SPTBN4: variants seen among roughly 807,000 people sequenced by gnomAD.
SPTBN4 encodes the protein spectrin beta, non-erythrocytic 4.
In SPTBN4, 96 loss-of-function variants were observed where a neutral mutation model predicts 277.8. That is an observed-to-expected ratio of 0.35 (90% CI 0.29 to 0.41). The LOEUF is 0.41. SPTBN4 is among the 10% of genes least tolerant of loss of function. The probability of loss-of-function intolerance (pLI) is 1.00; values close to 1 mark genes in which losing one functional copy is unlikely to be tolerated. For synonymous variants in SPTBN4, 1,481 were observed against 1,580.3 expected, an observed-to-expected ratio of 0.94 and a Z score of 1.49; for missense variants, 3,006 against 3,595.7, an observed-to-expected ratio of 0.84 and a Z score of 4.19.
At chr19:40,537,676 TCA>T (rs894481490) in intron 20 of SPTBN4, among the ~76,000 whole-genome samples, 5 of 152,124 alleles carry the variant, frequency 3.3e-5, no homozygotes, top group African/African-American at 1.2e-4. Flanking sequence ...GATCTGTGGC[TCA>T]CAGAGGTCAC....
At chr19:40,488,783 C>T (rs1168267246) in intron 3 of SPTBN4, among the ~76,000 whole-genome samples, 2 of 152,092 alleles carry the variant, frequency 1.3e-5, no homozygotes, top group African/African-American at 4.8e-5. Context: ...GCTCTGCAGC[C>T]TGGGCGACAA....
Position 40,557,227 on chromosome 19 carries a change from G to A in SPTBN4, c.5494G>A (p.Ala1832Thr), listed in dbSNP as rs764760284. 1.2e-5 allele frequency: 20 copies of A among 1,611,108 alleles called. No individual in the cohort carries two copies. Among genetic ancestry groups the A allele is most frequent in the East Asian group, 1.1e-4 (5 of 44,804 alleles). ...LMGTRAQLLA[A>T]SRELHKFFSD... ...GGGCACACGGGCCCAGCTGCTGGCC[G>A]CCTCTCGGGAGCTTCATAAGTTCTT... The change falls in exon 26 of 36, where the codon GCC (alanine) becomes ACC (threonine). Residue 1832 changes from alanine (A) to threonine (T), a missense_variant. Physicochemically the swap from Ala to Thr is moderately conservative, Grantham distance 58. This residue lies in a region of SPTBN4 where 425 missense variants were observed against 594.7 expected (regional missense o/e 0.71). Transcript: ENST00000598249.
intron 5 of SPTBN4, among the ~76,000 whole-genome samples, chr19:40,494,266 A>G (rs776785212): frequency 3.4e-4 from 52 of 151,850 alleles, no homozygotes; most frequent in Non-Finnish European, 5.9e-4. Context: ...GTCTATCTCT[A>G]TATCTGCTTT....
At chr19:40,552,455 C>CAAA (rs33935362) in intron 22 of SPTBN4, among the ~76,000 whole-genome samples, 4 of 75,920 alleles carry the variant, frequency 5.3e-5, no homozygotes, top group Non-Finnish European at 7.4e-5. Flanking sequence ...GACTCCGTCT[C>CAAA]AAAAAAAAAA....
In SPTBN4 at chr19:40,499,563, AT is replaced by A. The variant is rs1026469535; in HGVS notation, c.784+1972del. 6.3e-3 allele frequency among the ~76,000 whole-genome samples: 879 copies of A among 140,070 alleles called. 6 individuals carry two copies. Among genetic ancestry groups the A allele is most frequent in the African/African-American group, 0.016 (625 of 38,416 alleles). The allele number at this position is 140,070 out of a possible 152,430, so 91.9% of individuals were successfully genotyped here. ...CACGACCATGCTCAGCTAATTTTTG[AT>A]TTTTTTTTTTTTGGTAGAGGTGGGG... On this transcript the variant is annotated intron_variant, in intron 7 of 35. Transcript: ENST00000598249.
intron 7 of SPTBN4, among the ~76,000 whole-genome samples, chr19:40,498,124 C>T (rs1038255145): frequency 1.3e-5 from 2 of 152,028 alleles, no homozygotes; most frequent in Non-Finnish European, 2.9e-5. Context: ...TCTATCTCTC[C>T]CACAACTCCA....
intron 16 of SPTBN4, among the ~76,000 whole-genome samples, chr19:40,521,447 C>T (rs144370972): frequency 4.6e-5 from 7 of 152,278 alleles, no homozygotes; most frequent in South Asian, 2.1e-4. Context: ...TGCAACTAGA[C>T]GTTCCCATCT....
At chr19:40,494,822 C>G in intron 5 of SPTBN4, 75 bp from the exon 6 acceptor site, 1 of 1,311,262 alleles carries the variant, frequency 7.6e-7, no homozygotes, top group South Asian at 1.3e-5. Context: ...CATTCGGTCT[C>G]CCTCTGTCTT....
At chr19:40,569,936 C>CCACACACACACACACACACACA (rs60074818) in intron 32 of SPTBN4, among the ~76,000 whole-genome samples, 13 of 131,570 alleles carry the variant, frequency 9.9e-5, no homozygotes, top group East Asian at 2.2e-4. Context: ...TACTGCCCCT[C>CCACACACACACACACACACACA]CACACACACA....
Position 40,515,214 on chromosome 19 carries a change from G to T in SPTBN4, c.2766-97G>T. 7.3e-7 allele frequency: 1 copy of T among 1,374,938 alleles called. No homozygotes were observed. 85.2% of individuals were successfully genotyped at this position (1,374,938 alleles called of 1,614,324 possible). ...AGCCCACAAAGGAGGCTGAAAAGAA[G>T]GGTGGATTGAGAATTAGGAGTAGAA... is the stretch of plus-strand genomic sequence containing the variant. On this transcript the variant is annotated intron_variant, in intron 14 of 35. Transcript: ENST00000598249. The surrounding 1 kb of genome is among the most constrained non-coding windows in gnomAD (Gnocchi z 4.1).
At position 40,527,813 on chromosome 19, in the gene SPTBN4, T is replaced by C. The variant is rs112773310; in HGVS notation, c.3858-1228T>C. Among the ~76,000 whole-genome samples the C allele has an allele frequency of 4.9e-3, 747 of 152,230 alleles. 8 individuals carry two copies. Among genetic ancestry groups the C allele is most frequent in the African/African-American group, 0.017 (722 of 41,530 alleles). On this transcript the variant is annotated intron_variant, in intron 17 of 35. Coordinates refer to ENST00000598249, the MANE Select transcript of SPTBN4 (RefSeq NM_020971.3). Reference sequence around the variant, plus strand: ...GGAGCTCACTCCCATCCCAGCACTTTGGGAGGCCAAGGCGGGTGGATCACT... The same window carrying C: ...GGAGCTCACTCCCATCCCAGCACTTCGGGAGGCCAAGGCGGGTGGATCACT...
At chr19:40,545,561 G>T (rs998230885) in intron 20 of SPTBN4, among the ~76,000 whole-genome samples, 1 of 152,092 alleles carries the variant, frequency 6.6e-6, no homozygotes, top group African/African-American at 2.4e-5. Context: ...CAACATCTTT[G>T]CCAGCATTAG....
chr19:40,526,128 C>T (rs1427387767), intron 17 of SPTBN4, among the ~76,000 whole-genome samples: 1 of 151,620 alleles, frequency 6.6e-6, no homozygotes, highest in Non-Finnish European at 1.5e-5. Flanking sequence ...CTTCAGCTTG[C>T]CTGGCCCCTC....
rs749927504 is a variant in SPTBN4 at position 40,467,275 on chromosome 19, G to C, written c.-46G>C. The C allele has an allele frequency of 6.6e-6, 1 of 152,510 alleles. No individual in the cohort carries two copies. The allele number at this position is 152,510 out of a possible 1,614,324, so 9.4% of individuals were successfully genotyped here. On this transcript the variant is annotated 5_prime_UTR_variant, in exon 1 of 36. Transcript: ENST00000598249. The stretch of plus-strand genomic sequence containing the variant: ...GGGCGGTCGGTCGCGGCGAGCAGCG[G>C]AGACAGCGACGCTGGCGGCCGCGGG...
At chr19:40,566,979 AAAAACAAC>A in intron 30 of SPTBN4, 1 of 304,638 alleles carries the variant, frequency 3.3e-6, no homozygotes, top group Non-Finnish European at 6.8e-6. Context: ...ACAATAAAAA[AAAAACAAC>A]AAAAAAAAAC....
At position 40,557,009 on chromosome 19, in the gene SPTBN4, C is replaced by A. The variant is rs758226105; in HGVS notation, c.5290-14C>A. 2.1e-6 allele frequency: 3 copies of A among 1,462,844 alleles called. No individual in the cohort carries two copies. The highest frequency in any genetic ancestry group is 2.9e-5 in the African/African-American group (2 of 69,512). The allele number at this position is 1,462,844 out of a possible 1,614,324, so 90.6% of individuals were successfully genotyped here. A position where few individuals can be genotyped will look rare whatever the true frequency, so the allele number is the denominator to read the frequency against. On this transcript the variant is annotated splice_polypyrimidine_tract_variant and intron_variant, in intron 25 of 35. Coordinates refer to ENST00000598249, the MANE Select transcript of SPTBN4 (RefSeq NM_020971.3). ...TCACTTTGCTGTACCCCCCCCCCCA[C>A]TTCCTGATGGCAGGTGCTGCAGGAG...
chr19:40,565,859 C>T, intron 29 of SPTBN4, 114 bp downstream of exon 29: 1 of 1,153,150 alleles, frequency 8.7e-7, no homozygotes, highest in Non-Finnish European at 1.2e-6. Context: ...CATGGGTCTC[C>T]AGAAGCAAAC....
chr19:40,520,613 T>A (rs2080516333), intron 16 of SPTBN4, among the ~76,000 whole-genome samples: 1 of 152,144 alleles, frequency 6.6e-6, no homozygotes, highest in Non-Finnish European at 1.5e-5. Context: ...AGTCAGTGAT[T>A]GTGGATTACA....
At chr19:40,553,019 C>A (rs1452188319) in intron 22 of SPTBN4, among the ~76,000 whole-genome samples, 17 of 152,196 alleles carry the variant, frequency 1.1e-4, no homozygotes. Flanking sequence ...GCTGTGTGAC[C>A]TTAGCAAATT....
Sources: gnomAD v4.1 joint callset for allele counts (sites outside exome capture counted in the v4.1 genomes callset) on GRCh38, gnomAD v4.1.1 for gene constraint, gnomAD v4.1.1 regional missense constraint, Gnocchi (gnomAD v3.1) non-coding constraint, MANE v1.5 for transcripts, NCBI Gene and HGNC (gene_info 2026-07-23, HGNC 2026-07-21) for gene names.